The following AKAP9 variants were observed in gnomAD, a reference collection of about 807,000 sequenced individuals.
AKAP9 encodes A-kinase anchoring protein 9, also known as A-kinase anchor protein 9.
AKAP9 carries 311 observed loss-of-function variants against 488.5 expected under a neutral mutation model. The ratio of observed to expected loss-of-function variants is 0.64; its 90% confidence interval spans 0.58 to 0.70. The LOEUF (loss-of-function observed/expected upper bound fraction) is 0.70. AKAP9 is among the 30% of genes least tolerant of loss of function. The probability of loss-of-function intolerance (pLI) is 0.00; values close to 1 mark genes in which losing one functional copy is unlikely to be tolerated. For missense variants in AKAP9, 4,215 were observed against 4,374.5 expected (o/e 0.96, Z 1.03); for synonymous variants, 1,462 against 1,483.5 (o/e 0.99, Z 0.33).
intron 14 of AKAP9, among the ~76,000 whole-genome samples, chr7:92,027,417 C>T (rs373842531): frequency 4.0e-4 from 56 of 139,762 alleles, no homozygotes; most frequent in African/African-American, 1.4e-3. Context: ...AAGTGAGGAG[C>T]GCCTCTGCCC....
chr7:92,043,186 A>T (rs1478992334), intron 20 of AKAP9: 1 of 256,730 alleles, frequency 3.9e-6, no homozygotes. Flanking sequence ...AATTTCTTTA[A>T]TTTTAAATTA....
At chr7:92,038,173 T>C (rs1376305249) in intron 16 of AKAP9, among the ~76,000 whole-genome samples, 1 of 152,226 alleles carries the variant, frequency 6.6e-6, no homozygotes, top group Non-Finnish European at 1.5e-5. Flanking sequence ...CATTTATGTC[T>C]GTTATAATAA....
chr7:91,999,481 T>C (rs1798862673), intron 7 of AKAP9, among the ~76,000 whole-genome samples: 1 of 152,234 alleles, frequency 6.6e-6, no homozygotes, highest in Non-Finnish European at 1.5e-5. Context: ...GAGAAATCAT[T>C]ATCACAGAGA....
At chr7:92,039,622 A>C (rs534519316) in intron 17 of AKAP9, among the ~76,000 whole-genome samples, 1 of 152,324 alleles carries the variant, frequency 6.6e-6, no homozygotes, top group South Asian at 2.1e-4. Flanking sequence ...TCTGAATTAA[A>C]ATTTTTTATT....
chr7:92,078,958 G>A, intron 30 of AKAP9, 121 bp from the exon 31 acceptor site: 6 of 622,390 alleles, frequency 9.6e-6, no homozygotes, highest in Non-Finnish European at 2.7e-6. Flanking sequence ...GTATGTCTGA[G>A]AAGTAGTGTA....
chr7:91,959,111 C>T (rs1793403392), intron 1 of AKAP9, among the ~76,000 whole-genome samples: 1 of 151,870 alleles, frequency 6.6e-6, no homozygotes, highest in Non-Finnish European at 1.5e-5. Flanking sequence ...TCTCGAATTC[C>T]TGGGCTTAAG....
In AKAP9 at chr7:92,086,385, T is replaced by C. The variant is rs761435123; in HGVS notation, c.9182T>C (p.Leu3061Pro). 1.5e-5 allele frequency: 24 copies of C among 1,613,928 alleles called. No individual in the cohort carries two copies. The highest frequency in any genetic ancestry group is 1.5e-5 in the Non-Finnish European group (18 of 1,179,924). Residue 3061 changes from leucine (L) to proline (P), a missense_variant, in exon 37 of 50, where the codon CTA (leucine) becomes CCA (proline). Transcript: ENST00000356239. ...GGTACTACAGATGCAGTTGGTTTAC[T>C]AAACTGTTTGGAACAGAGAATACAA... ...ALGTTDAVGLLNCLEQRIQEQ... is the reference protein window; with the variant it reads ...ALGTTDAVGLPNCLEQRIQEQ...
At chr7:91,954,066 G>C (rs1428888942) in intron 1 of AKAP9, among the ~76,000 whole-genome samples, 1 of 152,152 alleles carries the variant, frequency 6.6e-6, no homozygotes, top group East Asian at 1.9e-4. Flanking sequence ...GGAGATTTCA[G>C]AGGAAGGTCA....
intron 8 of AKAP9, among the ~76,000 whole-genome samples, chr7:92,007,552 T>C (rs1053545713): frequency 1.6e-4 from 24 of 152,208 alleles, no homozygotes; most frequent in African/African-American, 5.5e-4. Flanking sequence ...TATAACACTT[T>C]AATGAAGGAT....
At chr7:91,967,531 A>AT (rs1047447654) in intron 1 of AKAP9, among the ~76,000 whole-genome samples, 8 of 151,804 alleles carry the variant, frequency 5.3e-5, no homozygotes, top group Non-Finnish European at 8.8e-5. Flanking sequence ...TGAATTTTAA[A>AT]TTTTTTTTCA....
At position 92,061,369 on chromosome 7, in the gene AKAP9, A is replaced by C; in HGVS notation, c.5711A>C (p.His1904Pro). The C allele has an allele frequency of 6.2e-7, 1 of 1,613,076 alleles. No homozygotes were observed. The highest frequency in any genetic ancestry group is 1.3e-5 in the African/African-American group (1 of 74,904). ...KCQEELRERLHEESRAREQLA... is the reference protein window; with the variant it reads ...KCQEELRERLPEESRAREQLA... ...CAAGAGGAACTTCGAGAGCGCCTTC[A>C]TGAGGAGTCCAGGGCCAGAGAACAG... The change falls in exon 23 of 50, where the codon CAT (histidine) becomes CCT (proline). Residue 1904 changes from histidine to proline, a missense_variant. Physicochemically the swap from His to Pro is moderately conservative, Grantham distance 77. Transcript: ENST00000356239.
rs985466040 is a variant in AKAP9 at position 92,027,871 on chromosome 7, A to G, written c.4149-2024A>G. On this transcript the variant is annotated intron_variant, in intron 14 of 49. Coordinates refer to ENST00000356239, the MANE Select transcript of AKAP9 (RefSeq NM_005751.5). ...AAGAAAAGGGGGAAATATGGGGAAAAGAAAGAGAGATCAGATTGTTACTGT... is the reference window on the plus strand; with the variant it reads ...AAGAAAAGGGGGAAATATGGGGAAAGGAAAGAGAGATCAGATTGTTACTGT... Among the ~76,000 whole-genome samples, 53 of 152,346 alleles carry G rather than the reference A, an allele frequency of 3.5e-4. 1 individual carries two copies. Among genetic ancestry groups the G allele is most frequent in the African/African-American group, 1.3e-3 (52 of 41,570 alleles).
intron 49 of AKAP9, 188 bp downstream of exon 49, chr7:92,108,821 G>A: frequency 1.3e-6 from 1 of 742,356 alleles, no homozygotes; most frequent in Admixed American, 2.2e-5. Flanking sequence ...TAATTTAAGT[G>A]AAAATATGAT....
At chr7:92,087,368 G>A (rs1234174844) in intron 37 of AKAP9, among the ~76,000 whole-genome samples, 2 of 152,018 alleles carry the variant, frequency 1.3e-5, no homozygotes, top group Non-Finnish European at 2.9e-5. Flanking sequence ...TTTAAAGTTA[G>A]GAATGAACTA....
At position 92,085,638 on chromosome 7, in the gene AKAP9, A is replaced by T. The variant is rs1814415069; in HGVS notation, c.8976A>T (p.Ser2992=). The stretch of plus-strand genomic sequence containing the variant: ...GAAAAGCTTACATCAATACAATCTC[A>T]TCTCTAAAGGATTTAATTACAAAGA... The part of the protein sequence containing the change: ...EERKAYINTI[S]SLKDLITKMQ... The change falls in exon 36 of 50, where the codon TCA becomes TCT. Residue 2992 remains serine, a synonymous_variant. Coordinates refer to ENST00000356239, the MANE Select transcript of AKAP9 (RefSeq NM_005751.5). 1.2e-6 allele frequency: 2 copies of T among 1,603,226 alleles called. No individual in the cohort carries two copies. The highest frequency in any genetic ancestry group is 1.7e-6 in the Non-Finnish European group (2 of 1,170,888).
intron 12 of AKAP9, among the ~76,000 whole-genome samples, chr7:92,019,837 A>C (rs1193288290): frequency 6.6e-6 from 1 of 151,586 alleles, no homozygotes; most frequent in East Asian, 1.9e-4. Flanking sequence ...GTGAAACCCC[A>C]TCTCTACTAA....
intron 49 of AKAP9, among the ~76,000 whole-genome samples, chr7:92,109,266 T>C (rs1370401819): frequency 6.6e-6 from 1 of 152,216 alleles, no homozygotes; most frequent in Non-Finnish European, 1.5e-5. Context: ...TAAAGGTGGA[T>C]TCCCTGTTCA....
intron 1 of AKAP9, among the ~76,000 whole-genome samples, chr7:91,972,432 T>C (rs1795213833): frequency 6.6e-6 from 1 of 152,146 alleles, no homozygotes; most frequent in Admixed American, 6.5e-5. Flanking sequence ...CTTTTTCCAG[T>C]GTAGAAACTG....
Position 92,110,439 on chromosome 7 carries a change from T to C in AKAP9, c.*280T>C. The C allele has an allele frequency of 2.2e-6, 1 of 461,130 alleles. No individual in the cohort carries two copies. The highest frequency in any genetic ancestry group is 3.9e-6 in the Non-Finnish European group (1 of 254,220). The allele number at this position is 461,130 out of a possible 1,614,324, so 28.6% of individuals were successfully genotyped here. On this transcript the variant is annotated 3_prime_UTR_variant, in exon 50 of 50. Coordinates refer to ENST00000356239, the MANE Select transcript of AKAP9 (RefSeq NM_005751.5). ...AAACCTTGTGTATTTATCAAATGGG[T>C]GAAAAGATTAAACTTTTACGCATTA... is the stretch of plus-strand genomic sequence containing the variant.
Sources: allele counts gnomAD v4.1 joint callset (sites outside exome capture counted in the v4.1 genomes callset), GRCh38; gene constraint gnomAD v4.1.1; transcripts MANE v1.5; gene names NCBI Gene and HGNC (gene_info 2026-07-23, HGNC 2026-07-21).